DLGAP2: variants seen among roughly 807,000 people sequenced by gnomAD.
The protein encoded by DLGAP2 is disks large-associated protein 2.
Under a neutral mutation model 100.3 loss-of-function variants are expected in DLGAP2, and 26 were observed. The ratio of observed to expected loss-of-function variants is 0.26; its 90% confidence interval spans 0.19 to 0.36. DLGAP2 has a LOEUF of 0.36. DLGAP2 is among the 10% of genes least tolerant of loss of function. The pLI, the probability that DLGAP2 is intolerant of heterozygous loss-of-function variation, is 1.00. For synonymous variants in DLGAP2, 886 were observed against 630.1 expected (o/e 1.41, Z -6.08); for missense variants, 1,858 against 1,453.2 (o/e 1.28, Z -4.53).
At chr8:760,376 G>A (rs922776250) in intron 1 of DLGAP2, among the ~76,000 whole-genome samples, 9 of 152,084 alleles carry the variant, frequency 5.9e-5, no homozygotes, top group Admixed American at 1.3e-4. Context: ...TGGTTAGACC[G>A]ATTGTTTCTG....
intron 2 of DLGAP2, among the ~76,000 whole-genome samples, chr8:1,199,160 T>G (rs1054010849): frequency 6.6e-6 from 1 of 152,234 alleles, no homozygotes; most frequent in African/African-American, 2.4e-5. Flanking sequence ...TCGTCTGAAT[T>G]ACTGAAGAGA....
intron 1 of DLGAP2, among the ~76,000 whole-genome samples, chr8:820,472 G>T (rs1329091515): frequency 2.0e-5 from 3 of 152,114 alleles, no homozygotes; most frequent in African/African-American, 7.2e-5. Context: ...TATGTAAAGA[G>T]TTCCTCGAAA....
intron 3 of DLGAP2, among the ~76,000 whole-genome samples, chr8:1,457,809 C>A (rs1319987606): frequency 6.6e-6 from 1 of 151,784 alleles, no homozygotes; most frequent in East Asian, 1.9e-4. Context: ...GTGATGGCAA[C>A]AAATAGCTGT....
intron 4 of DLGAP2, among the ~76,000 whole-genome samples, chr8:1,541,660 G>A (rs1254331699): frequency 6.6e-6 from 1 of 152,204 alleles, no homozygotes; most frequent in Non-Finnish European, 1.5e-5. Flanking sequence ...AGCCCACTGG[G>A]TTCTAGAACC....
chr8:1,350,918 CTGTGTGTGG>C (rs1801706324), intron 3 of DLGAP2, among the ~76,000 whole-genome samples: 1 of 76,222 alleles, frequency 1.3e-5, no homozygotes, highest in Admixed American at 1.3e-4. Flanking sequence ...CGGGTCCTGA[CTGTGTGTGG>C]AAAGGCCGTG....
chr8:1,221,747 T>A (rs1182702720), intron 2 of DLGAP2, among the ~76,000 whole-genome samples: 1 of 152,210 alleles, frequency 6.6e-6, no homozygotes, highest in Non-Finnish European at 1.5e-5. Context: ...AGTCATAGGT[T>A]TGCTCTCTTT....
chr8:1,457,150 C>A (rs1425091327), intron 3 of DLGAP2, among the ~76,000 whole-genome samples: 1 of 152,182 alleles, frequency 6.6e-6, no homozygotes, highest in Non-Finnish European at 1.5e-5. Flanking sequence ...TATATTCAAG[C>A]AGATGAAATA....
At chr8:863,431 T>C (rs1797430306) in intron 1 of DLGAP2, among the ~76,000 whole-genome samples, 1 of 152,240 alleles carries the variant, frequency 6.6e-6, no homozygotes, top group South Asian at 2.1e-4. Flanking sequence ...CTCATTTCTG[T>C]GTAAACAGAT....
rs1344779568 is a variant in DLGAP2, at chr8:858,147, G to A, written c.19-49765G>A. Among the ~76,000 whole-genome samples, 7 of 152,318 alleles carry A rather than the reference G, an allele frequency of 4.6e-5. No individual in the cohort carries two copies. In the East Asian group the frequency reaches 5.8e-4, roughly 13 times the overall value. On this transcript the variant is annotated intron_variant, in intron 1 of 14. Transcript: ENST00000637795. Reference sequence around the variant, plus strand: ...GTCGGGATTACAGGCGTTAGCCACCGCGCCCAGTGCACATGAATGTTTATA... The same window carrying A: ...GTCGGGATTACAGGCGTTAGCCACCACGCCCAGTGCACATGAATGTTTATA...
rs1821627541 is a variant in DLGAP2, at chr8:779,464, TTTC to T, written c.18+41642_18+41644del. 1.0e-4 allele frequency among the ~76,000 whole-genome samples: 14 copies of T among 133,482 alleles called. No individual in the cohort carries two copies. In the South Asian group the frequency reaches 2.6e-3, roughly 25 times the overall value. The allele number at this position is 133,482 out of a possible 152,430, so 87.6% of individuals were successfully genotyped here. ...CTCTTCTTTTCTTTTCCCTTCTTTC[TTTC>T]TTTTTTTTTTTTTTCAGACAGGGTC... On this transcript the variant is annotated intron_variant, in intron 1 of 14. Coordinates refer to ENST00000637795, the MANE Select transcript of DLGAP2 (RefSeq NM_001346810.2).
rs1798563110 is a variant in DLGAP2, at chr8:1,232,719, A to C, written c.74-26132A>C. Among the ~76,000 whole-genome samples the C allele has an allele frequency of 2.0e-5, 3 of 152,236 alleles. No homozygotes were observed. The South Asian group carries it at 6.2e-4, about 32-fold the overall frequency. Reference sequence around the variant, plus strand: ...TCAACACAAGACAAGGTGCATGTTCAGTGACTTGTCTGAGGCCACTCACTC... The same window carrying C: ...TCAACACAAGACAAGGTGCATGTTCCGTGACTTGTCTGAGGCCACTCACTC... On this transcript the variant is annotated intron_variant, in intron 2 of 14. Coordinates refer to ENST00000637795, the MANE Select transcript of DLGAP2 (RefSeq NM_001346810.2).
intron 3 of DLGAP2, among the ~76,000 whole-genome samples, chr8:1,390,062 G>C (rs1237231407): frequency 1.3e-5 from 2 of 152,168 alleles, no homozygotes; most frequent in Non-Finnish European, 2.9e-5. Flanking sequence ...AACTTAACAG[G>C]CTGACATTTC....
At chr8:1,166,550 G>A (rs1416101313) in intron 2 of DLGAP2, among the ~76,000 whole-genome samples, 1 of 152,172 alleles carries the variant, frequency 6.6e-6, no homozygotes, top group Non-Finnish European at 1.5e-5. Context: ...TAGAAGGGCA[G>A]AACATTCATG....
In DLGAP2 at chr8:1,245,574, G is replaced by T. The variant is rs371178156; in HGVS notation, c.74-13277G>T. ...AGAAAGTACATTAGTGGTGGCCTGG[G>T]GCTGGGGGCATGGAAATGAGGGTTA... On this transcript the variant is annotated intron_variant, in intron 2 of 14. Transcript: ENST00000637795. 1.1e-4 allele frequency among the ~76,000 whole-genome samples: 16 copies of T among 152,304 alleles called. No homozygotes were observed. In the South Asian group the frequency reaches 2.1e-3, roughly 20 times the overall value.
chr8:851,356 G>T (rs1797179992), intron 1 of DLGAP2, among the ~76,000 whole-genome samples: 1 of 152,190 alleles, frequency 6.6e-6, no homozygotes, highest in Non-Finnish European at 1.5e-5. Flanking sequence ...AGCGACGTAT[G>T]ACTGACTGTG....
chr8:1,250,872 C>G (rs1352666669), intron 2 of DLGAP2, among the ~76,000 whole-genome samples: 1 of 152,180 alleles, frequency 6.6e-6, no homozygotes, highest in Non-Finnish European at 1.5e-5. Flanking sequence ...GACGGGGTGA[C>G]GCTCTGAGAA....
intron 2 of DLGAP2, among the ~76,000 whole-genome samples, chr8:1,245,853 C>G (rs4976879): frequency 0.77 from 117,438 of 152,122 alleles, 45,886 homozygotes; most frequent in Middle Eastern, 0.89. Context: ...ATGGAGACCC[C>G]GAGGTACACG....
intron 2 of DLGAP2, among the ~76,000 whole-genome samples, chr8:1,070,190 G>A (rs767800172): frequency 1.3e-5 from 2 of 152,024 alleles, no homozygotes; most frequent in African/African-American, 2.4e-5. Flanking sequence ...TTGTAGACTC[G>A]GCGAGTCCTT....
At chr8:1,092,988 G>A (rs1804234933) in intron 2 of DLGAP2, among the ~76,000 whole-genome samples, 1 of 152,194 alleles carries the variant, frequency 6.6e-6, no homozygotes, top group Admixed American at 6.5e-5. Context: ...GGGGCTGCGG[G>A]TCCGAAATCC....
Sources: allele counts gnomAD v4.1 joint callset (sites outside exome capture counted in the v4.1 genomes callset), GRCh38; gene constraint gnomAD v4.1.1; transcripts MANE v1.5; gene names NCBI Gene and HGNC (gene_info 2026-07-23, HGNC 2026-07-21).